Variants in OLFM3 observed in about 807,000 individuals in gnomAD.
OLFM3 encodes olfactomedin 3.
Under a neutral mutation model 48.6 loss-of-function variants are expected in OLFM3, and 20 were observed. The observed-to-expected ratio is 0.41, with a 90% CI of 0.29 to 0.60. The LOEUF (loss-of-function observed/expected upper bound fraction) is 0.60. OLFM3 is among the 20% of genes least tolerant of loss of function. The pLI is 0.28. For synonymous variants in OLFM3, 222 were observed against 198.1 expected, an observed-to-expected ratio of 1.12 and a Z score of -1.01; for missense variants, 437 against 544.3, an observed-to-expected ratio of 0.80 and a Z score of 1.96.
At chr1:101,993,471 C>A (rs1570698331) in intron 1 of OLFM3, among the ~76,000 whole-genome samples, 1 of 152,052 alleles carries the variant, frequency 6.6e-6, no homozygotes, top group South Asian at 2.1e-4. Flanking sequence ...TTCCTACAGG[C>A]TTTCGGTGTT....
chr1:101,936,492 A>C (rs917873844), intron 1 of OLFM3, among the ~76,000 whole-genome samples: 4 of 152,202 alleles, frequency 2.6e-5, no homozygotes, highest in Non-Finnish European at 4.4e-5. Flanking sequence ...AAAACATTCC[A>C]TACTCATGGA....
chr1:101,957,114 C>T (rs1557745844), intron 1 of OLFM3, among the ~76,000 whole-genome samples: 1 of 151,934 alleles, frequency 6.6e-6, no homozygotes, highest in African/African-American at 2.4e-5. Flanking sequence ...TCCACAAGAC[C>T]TCTCTTGGTA....
intron 4 of OLFM3, among the ~76,000 whole-genome samples, chr1:101,808,631 G>A (rs550845837): frequency 1.1e-4 from 17 of 151,872 alleles, no homozygotes; most frequent in East Asian, 1.9e-4. Context: ...AGTATACCTA[G>A]GGTGATTAAT....
chr1:101,804,320 G>C lies in OLFM3; in HGVS notation c.1295C>G (p.Ala432Gly). The change falls in exon 6 of 6, where the codon GCT (alanine) becomes GGT (glycine). Residue 432 changes from alanine (A) to glycine (G), a missense_variant. Ala to Gly is a moderately conservative substitution (Grantham distance 60). Transcript: ENST00000370103. The surrounding 1 kb of genome is among the most constrained non-coding windows in gnomAD (Gnocchi z 4.5). Reference sequence around the variant, plus strand: ...GTGGCCATTGTTCCAGGCATAGAGAGCTCGATCTCTTGCATTGTAGTCAAG... The same window carrying C: ...GTGGCCATTGTTCCAGGCATAGAGACCTCGATCTCTTGCATTGTAGTCAAG... The part of the protein sequence containing the change: ...SMLDYNARDR[A>G]LYAWNNGHQV... 1.9e-6 allele frequency: 3 copies of C among 1,612,122 alleles called. No individual in the cohort carries two copies. Among genetic ancestry groups the C allele is most frequent in the Non-Finnish European group, 2.5e-6 (3 of 1,178,718 alleles).
chr1:101,806,364 G>A (rs142988272), intron 4 of OLFM3, among the ~76,000 whole-genome samples, 182 bp from the exon 5 acceptor site: 2 of 151,908 alleles, frequency 1.3e-5, no homozygotes, highest in East Asian at 1.9e-4. Flanking sequence ...ATTGAACCAT[G>A]AGGAGTTGCT....
rs1269694771 is a variant in OLFM3 at position 101,802,970 on chromosome 1, G to A, written c.*1268C>T. 1.3e-5 allele frequency: 2 copies of A among 151,332 alleles called. No homozygotes were observed. The highest frequency in any genetic ancestry group is 3.0e-5 in the Non-Finnish European group (2 of 67,586). 9.4% of individuals were successfully genotyped at this position (151,332 alleles called of 1,614,324 possible). On this transcript the variant is annotated 3_prime_UTR_variant, in exon 6 of 6. Transcript: ENST00000370103. ...GTATTATTAAAGCTCTTCCCTTTTG[G>A]TTACATTATTTTTCCACATACAGTG...
intron 1 of OLFM3, among the ~76,000 whole-genome samples, chr1:101,915,548 T>C (rs1331345203): frequency 1.3e-5 from 2 of 152,158 alleles, no homozygotes; most frequent in East Asian, 3.8e-4. Context: ...TTGATACAGC[T>C]AAAATACAAT....
rs989693120 is a variant in OLFM3, at chr1:101,803,554, C to T, written c.*684G>A. ...GCCAAGAAGATTATTCTTGACCACA[C>T]TTGAAAATGGACTCAATTACTGAGG... On this transcript the variant is annotated 3_prime_UTR_variant, in exon 6 of 6. Transcript: ENST00000370103. The T allele has an allele frequency of 1.3e-5, 2 of 152,090 alleles. No individual in the cohort carries two copies. Among genetic ancestry groups the T allele is most frequent in the Non-Finnish European group, 3.0e-5 (2 of 67,762 alleles). The allele number at this position is 152,090 out of a possible 1,614,324, so 9.4% of individuals were successfully genotyped here. A position where few individuals can be genotyped will look rare whatever the true frequency, so the allele number is the denominator to read the frequency against.
chr1:101,916,395 T>G, intron 1 of OLFM3, among the ~76,000 whole-genome samples: 1 of 124,894 alleles, frequency 8.0e-6, no homozygotes, highest in Admixed American at 7.6e-5. Flanking sequence ...AGGTATAATG[T>G]CTCTCCTTTT....
intron 4 of OLFM3, among the ~76,000 whole-genome samples, chr1:101,818,436 A>G (rs1654440352): frequency 1.3e-5 from 2 of 152,172 alleles, no homozygotes; most frequent in Non-Finnish European, 2.9e-5. Flanking sequence ...AGACATTGCC[A>G]TTCTATTTTA....
At chr1:101,953,543 C>T (rs1031726788) in intron 1 of OLFM3, among the ~76,000 whole-genome samples, 1 of 152,156 alleles carries the variant, frequency 6.6e-6, no homozygotes, top group African/African-American at 2.4e-5. Context: ...TCTGCCCCTT[C>T]TTGCTATGAA....
At chr1:101,849,168 AG>A (rs1656127873) in intron 1 of OLFM3, among the ~76,000 whole-genome samples, 3 of 152,372 alleles carry the variant, frequency 2.0e-5, no homozygotes, top group South Asian at 4.1e-4. Context: ...TACACATTGA[AG>A]TAGAAAAGCT....
chr1:101,957,458 CAAAAGAT>C (rs1429020053), intron 1 of OLFM3, among the ~76,000 whole-genome samples: 1 of 151,862 alleles, frequency 6.6e-6, no homozygotes. Flanking sequence ...GCTGGAAAGA[CAAAAGAT>C]ATTTGGAAGG....
chr1:101,939,782 A>G (rs971056575), intron 1 of OLFM3, among the ~76,000 whole-genome samples: 2 of 152,154 alleles, frequency 1.3e-5, no homozygotes, highest in Non-Finnish European at 2.9e-5. Context: ...AGTTTTAAAC[A>G]ATTGTAAGGG....
intron 1 of OLFM3, among the ~76,000 whole-genome samples, chr1:101,840,912 A>C (rs972225928): frequency 1.3e-5 from 2 of 152,376 alleles, no homozygotes; most frequent in Admixed American, 1.3e-4. Flanking sequence ...TTACTGATGC[A>C]GTTCTCTTTG....
intron 3 of OLFM3, among the ~76,000 whole-genome samples, chr1:101,829,185 C>A (rs759317918): frequency 2.1e-4 from 32 of 152,252 alleles, no homozygotes; most frequent in Non-Finnish European, 4.4e-4. Flanking sequence ...AAAATTAATT[C>A]TTTTGCTCTT....
At chr1:101,975,303 T>C (rs909217647) in intron 1 of OLFM3, among the ~76,000 whole-genome samples, 2 of 152,190 alleles carry the variant, frequency 1.3e-5, no homozygotes, top group African/African-American at 4.8e-5. Flanking sequence ...ATCACACACA[T>C]GCATTTAGTT....
intron 1 of OLFM3, among the ~76,000 whole-genome samples, chr1:101,953,991 T>A (rs1222736880): frequency 6.6e-6 from 1 of 152,146 alleles, no homozygotes; most frequent in Non-Finnish European, 1.5e-5. Context: ...AGGAAAATTA[T>A]TCACATTTCT....
At chr1:101,991,464 A>C (rs188692034) in intron 1 of OLFM3, among the ~76,000 whole-genome samples, 1 of 152,058 alleles carries the variant, frequency 6.6e-6, no homozygotes, top group Non-Finnish European at 1.5e-5. Flanking sequence ...ACATTTTCTT[A>C]GTACAAAAAT....
Sources: allele counts gnomAD v4.1 joint callset (sites outside exome capture counted in the v4.1 genomes callset), GRCh38; gene constraint gnomAD v4.1.1; non-coding constraint Gnocchi (gnomAD v3.1); transcripts MANE v1.5; gene names NCBI Gene and HGNC (gene_info 2026-07-23, HGNC 2026-07-21).